Variants in PCYT2 observed in about 807,000 individuals in gnomAD.
PCYT2 encodes phosphate cytidylyltransferase 2, ethanolamine, also known as ethanolamine-phosphate cytidylyltransferase.
Under a neutral mutation model 50.0 loss-of-function variants are expected in PCYT2, and 33 were observed. That is an observed-to-expected ratio of 0.66 (90% CI 0.50 to 0.88). The LOEUF (loss-of-function observed/expected upper bound fraction) is 0.88, where lower values mean the gene tolerates loss of function less well. Among genes scored for constraint, PCYT2 ranks in the 40% least tolerant of loss-of-function variants. The pLI is 0.00. For missense variants in PCYT2, 430 were observed against 519.7 expected (o/e 0.83, Z 1.68); for synonymous variants, 240 against 203.7 (o/e 1.18, Z -1.52).
At chr17:81,905,939 C>T (rs2040239413) in intron 9 of PCYT2, 161 bp downstream of exon 9, 3 of 754,442 alleles carry the variant, frequency 4.0e-6, no homozygotes, top group Admixed American at 2.2e-5. Flanking sequence ...CTCCTCATGC[C>T]TCAACAAACA....
intron 8 of PCYT2, 134 bp downstream of exon 8, chr17:81,906,330 G>A (rs1052919967): frequency 9.0e-6 from 10 of 1,112,870 alleles, no homozygotes; most frequent in Middle Eastern, 2.6e-4. Context: ...AGAAGCCTAC[G>A]ATCACCCCCC....
chr17:81,907,346 C>G, intron 6 of PCYT2: 1 of 1,338,162 alleles, frequency 7.5e-7, no homozygotes, highest in Non-Finnish European at 1.0e-6. Context: ...GCTGCCGTGA[C>G]CGGCCAGCCG....
rs766862276 is a variant in PCYT2, at chr17:81,907,581, G to T, written c.510C>A (p.Tyr170Ter). 1 of 1,611,772 alleles carries T rather than the reference G, an allele frequency of 6.2e-7. No homozygotes were observed. The highest frequency in any genetic ancestry group is 1.1e-5 in the South Asian group (1 of 90,742). The change falls in exon 6 of 13, where the codon TAC becomes TAA. Residue 170 changes from tyrosine (Y) to a stop codon, truncating the protein, a stop_gained. Coordinates refer to ENST00000538936, the MANE Select transcript of PCYT2 (RefSeq NM_002861.5). LOFTEE classifies it high-confidence loss of function. ...HHSSQEMSSE[Y>*]REYADSFGKC... ...TGCCAAAACTGTCTGCATACTCCCG[G>T]TACTCAGAGGACATCTCCTGCACAG...
Position 81,902,174 on chromosome 17 carries a change from G to A in PCYT2, c.*2659C>T, listed in dbSNP as rs896370431. ...CCCCAGCCCGCCCGCCGCCCCTCCC[G>A]GCCCTCCGCAGCCTCGGCCCGCCCT... On this transcript the variant is annotated 3_prime_UTR_variant, in exon 13 of 13. Transcript: ENST00000538936. 2.4e-5 allele frequency: 18 copies of A among 762,688 alleles called. No individual in the cohort carries two copies. The highest frequency in any genetic ancestry group is 1.9e-4 in the Admixed American group (4 of 21,362). The allele number at this position is 762,688 out of a possible 1,614,324, so 47.2% of individuals were successfully genotyped here. A position where few individuals can be genotyped will look rare whatever the true frequency, so the allele number is the denominator to read the frequency against.
At chr17:81,909,655 G>T in intron 1 of PCYT2, 53 bp from the exon 2 acceptor site, 1 of 1,384,122 alleles carries the variant, frequency 7.2e-7, no homozygotes, top group Non-Finnish European at 1.0e-6. Flanking sequence ...GGGACCAGGT[G>T]TCCCTGTGGG....
Position 81,902,717 on chromosome 17 carries a change from C to T in PCYT2, c.*2116G>A, listed in dbSNP as rs755678951. ...CAGTGCAAGGCGAACGTCTTCCTGT[C>T]CCTGCGCGCAGCCGACTGCCTCGCC... On this transcript the variant is annotated 3_prime_UTR_variant, in exon 13 of 13. Transcript: ENST00000538936. 9.9e-6 allele frequency: 16 copies of T among 1,608,492 alleles called. No individual in the cohort carries two copies. The Middle Eastern group carries it at 8.2e-4, about 83-fold the overall frequency.
Position 81,904,234 on chromosome 17 carries a change from G to GCACTGCCA in PCYT2, c.*591_*598dup, listed in dbSNP as rs1249903740. The stretch of plus-strand genomic sequence containing the variant: ...CCAGCAGGGCTGGGAGCCCCGCGCA[G>GCACTGCCA]CACTGCCACCAGGCTTTATTCGGTT... On this transcript the variant is annotated 3_prime_UTR_variant, in exon 13 of 13. Transcript: ENST00000538936. 3 of 152,402 alleles carry GCACTGCCA rather than the reference G, an allele frequency of 2.0e-5. No homozygotes were observed. The highest frequency in any genetic ancestry group is 7.2e-5 in the African/African-American group (3 of 41,464). The allele number at this position is 152,402 out of a possible 1,614,324, so 9.4% of individuals were successfully genotyped here.
At chr17:81,907,367 C>T in intron 6 of PCYT2, 187 bp downstream of exon 6, 1 of 1,226,546 alleles carries the variant, frequency 8.2e-7, no homozygotes, top group Non-Finnish European at 1.1e-6. Context: ...GTGCCACCAC[C>T]CGCCTGCCCT....
At chr17:81,908,286 C>T (rs927747496) in intron 4 of PCYT2, among the ~76,000 whole-genome samples, 5 of 152,242 alleles carry the variant, frequency 3.3e-5, no homozygotes, top group Non-Finnish European at 2.9e-5. Flanking sequence ...GTGCCAGCTC[C>T]CCAGCAGTGC....
intron 6 of PCYT2, 120 bp from the exon 7 acceptor site, chr17:81,907,018 G>A: frequency 7.9e-7 from 1 of 1,259,778 alleles, no homozygotes; most frequent in Non-Finnish European, 1.1e-6. Context: ...GTCATCTCGG[G>A]CAGGGGACAC....
In PCYT2 at chr17:81,902,637, C is replaced by T. The variant is rs984046216; in HGVS notation, c.*2196G>A. The T allele has an allele frequency of 3.1e-6, 5 of 1,599,946 alleles. No homozygotes were observed. Among genetic ancestry groups the T allele is most frequent in the African/African-American group, 1.4e-5 (1 of 74,000 alleles). Reference sequence around the variant, plus strand: ...CCCCCCAGGCTGTGTGCGTCCAGGACGTCGCCCCAAACCTGCAGAGGTGCG... The same window carrying T: ...CCCCCCAGGCTGTGTGCGTCCAGGATGTCGCCCCAAACCTGCAGAGGTGCG... On this transcript the variant is annotated 3_prime_UTR_variant, in exon 13 of 13. Coordinates refer to ENST00000538936, the MANE Select transcript of PCYT2 (RefSeq NM_002861.5).
Position 81,904,803 on chromosome 17 carries a change from G to C in PCYT2, c.*30C>G, listed in dbSNP as rs1322631675. On this transcript the variant is annotated 3_prime_UTR_variant, in exon 13 of 13. Transcript: ENST00000538936. ...ACGCAGAAGGCGCAGAAGCAGAGCA[G>C]GGGGAGGGCCGGCCAGGGCCTCTGC... is the stretch of plus-strand genomic sequence containing the variant. 1 of 1,459,774 alleles carries C rather than the reference G, an allele frequency of 6.9e-7. No homozygotes were observed. Among genetic ancestry groups the C allele is most frequent in the South Asian group, 1.2e-5 (1 of 86,470 alleles). The allele number at this position is 1,459,774 out of a possible 1,614,324, so 90.4% of individuals were successfully genotyped here.
rs755465796 is a variant in PCYT2 at position 81,902,649 on chromosome 17, C to T, written c.*2184G>A. 8 of 1,605,128 alleles carry T rather than the reference C, an allele frequency of 5.0e-6. No homozygotes were observed. Among genetic ancestry groups the T allele is most frequent in the East Asian group, 4.5e-5 (2 of 44,382 alleles). The stretch of plus-strand genomic sequence containing the variant: ...TGTGCGTCCAGGACGTCGCCCCAAA[C>T]CTGCAGAGGTGCGAGCGGCTCCCCG... On this transcript the variant is annotated 3_prime_UTR_variant, in exon 13 of 13. Coordinates refer to ENST00000538936, the MANE Select transcript of PCYT2 (RefSeq NM_002861.5).
At chr17:81,906,698 G>T in intron 7 of PCYT2, 62 bp downstream of exon 7, 1 of 1,601,518 alleles carries the variant, frequency 6.2e-7, no homozygotes, top group African/African-American at 1.3e-5. Context: ...GGAGTCAAGT[G>T]AGGCCCCCGG....
intron 6 of PCYT2, 86 bp downstream of exon 6, chr17:81,907,468 C>A (rs1440300828): frequency 2.1e-6 from 3 of 1,434,326 alleles, no homozygotes; most frequent in Non-Finnish European, 2.9e-6. Flanking sequence ...TCTGGGCTGG[C>A]CTTTCCCCAA....
intron 1 of PCYT2, 105 bp from the exon 2 acceptor site, chr17:81,909,707 C>T (rs749748905): frequency 1.6e-5 from 13 of 834,942 alleles, no homozygotes; most frequent in Non-Finnish European, 2.3e-5. Flanking sequence ...CCTTAGGAAG[C>T]GCTCTGAGAA....
intron 6 of PCYT2, 53 bp downstream of exon 6, chr17:81,907,500 CG>C: frequency 6.4e-7 from 1 of 1,551,890 alleles, no homozygotes. Flanking sequence ...GACAGGTGGC[CG>C]GGGGAGCCCC....
In PCYT2 at chr17:81,907,754, G is replaced by T. The variant is rs1460175316; in HGVS notation, c.492+19C>A. ...GAGACCTCGACCCAGGGGCCTCGGG[G>T]ATTCCGCCGCCGACTCACCTGGCTG... On this transcript the variant is annotated intron_variant, in intron 5 of 12. Transcript: ENST00000538936. The T allele has an allele frequency of 1.9e-6, 3 of 1,611,638 alleles. No individual in the cohort carries two copies. The highest frequency in any genetic ancestry group is 2.5e-6 in the Non-Finnish European group (3 of 1,179,104).
intron 10 of PCYT2, 78 bp from the exon 11 acceptor site, chr17:81,905,525 G>T: frequency 1.4e-6 from 2 of 1,469,906 alleles, no homozygotes; most frequent in South Asian, 1.2e-5. Flanking sequence ...ACAGGCCCCG[G>T]GGGTTGGGAG....
Sources: gnomAD v4.1 joint callset for allele counts (sites outside exome capture counted in the v4.1 genomes callset) on GRCh38, gnomAD v4.1.1 for gene constraint, MANE v1.5 for transcripts, NCBI Gene and HGNC (gene_info 2026-07-23, HGNC 2026-07-21) for gene names.